UNC5D: variants seen among roughly 807,000 people sequenced by gnomAD.
The protein encoded by UNC5D is unc-5 netrin receptor D, also known as netrin receptor UNC5D.
Under a neutral mutation model 105.4 loss-of-function variants are expected in UNC5D, and 39 were observed. The observed-to-expected ratio is 0.37, with a 90% CI of 0.29 to 0.48. The LOEUF (loss-of-function observed/expected upper bound fraction) is 0.48. UNC5D is among the 20% of genes least tolerant of loss of function. The pLI, the probability that UNC5D is intolerant of heterozygous loss-of-function variation, is 0.98. For missense variants in UNC5D, 991 were observed against 1,202.4 expected (o/e 0.82, Z 2.60); for synonymous variants, 452 against 450.4 (o/e 1.00, Z -0.04).
intron 2 of UNC5D, among the ~76,000 whole-genome samples, chr8:35,559,350 G>C (rs1816792095): frequency 1.4e-4 from 22 of 152,266 alleles, no homozygotes; most frequent in Admixed American, 1.4e-3. Context: ...TGAATCTATT[G>C]GTTCCGGTTG....
intron 1 of UNC5D, among the ~76,000 whole-genome samples, chr8:35,397,430 C>G (rs1055713503): frequency 2.0e-4 from 31 of 152,300 alleles, no homozygotes; most frequent in Non-Finnish European, 8.8e-5. Flanking sequence ...GTCAACAGTC[C>G]TTTTAAGGAA....
intron 8 of UNC5D, 121 bp downstream of exon 8, chr8:35,706,082 TCTC>T (rs1056916726): frequency 3.4e-6 from 2 of 593,436 alleles, no homozygotes; most frequent in Non-Finnish European, 5.5e-6. Flanking sequence ...TTTCGAGGCC[TCTC>T]CTCATTGAGT....
chr8:35,472,061 A>T (rs113565439), intron 1 of UNC5D, among the ~76,000 whole-genome samples: 7 of 152,242 alleles, frequency 4.6e-5, no homozygotes, highest in Non-Finnish European at 8.8e-5. Flanking sequence ...GACACAGACT[A>T]CAAGTATATA....
chr8:35,681,417 C>T (rs1252309204), intron 4 of UNC5D, among the ~76,000 whole-genome samples: 1 of 152,190 alleles, frequency 6.6e-6, no homozygotes, highest in African/African-American at 2.4e-5. Flanking sequence ...TGGTTTTACC[C>T]AGCTCTCAGT....
chr8:35,310,349 G>A (rs1034678311), intron 1 of UNC5D, among the ~76,000 whole-genome samples: 4 of 152,098 alleles, frequency 2.6e-5, no homozygotes, highest in Non-Finnish European at 4.4e-5. Context: ...GGCTGGGAGC[G>A]GTGGCTCATG....
intron 1 of UNC5D, among the ~76,000 whole-genome samples, chr8:35,455,197 A>G (rs573005099): frequency 1.3e-5 from 2 of 152,130 alleles, no homozygotes; most frequent in East Asian, 3.9e-4. Flanking sequence ...AAGTGACCCA[A>G]TTTTATAAAG....
At chr8:35,686,459 C>G in intron 6 of UNC5D, 86 bp from the exon 7 acceptor site, 1 of 1,383,344 alleles carries the variant, frequency 7.2e-7, no homozygotes, top group African/African-American at 1.5e-5. Flanking sequence ...TAAAATCCAG[C>G]TCTAGAACAA....
intron 10 of UNC5D, among the ~76,000 whole-genome samples, chr8:35,729,825 G>T (rs1829091275): frequency 6.6e-6 from 1 of 152,206 alleles, no homozygotes; most frequent in South Asian, 2.1e-4. Context: ...CTGTAACCAA[G>T]ATTTAAACGT....
At chr8:35,731,394 G>T in intron 11 of UNC5D, among the ~76,000 whole-genome samples, 1 of 87,566 alleles carries the variant, frequency 1.1e-5, no homozygotes, top group South Asian at 4.3e-4. Context: ...GTGAGACTCT[G>T]TCTCCAAAAA....
chr8:35,361,808 C>G (rs571234815), intron 1 of UNC5D, among the ~76,000 whole-genome samples: 1 of 152,056 alleles, frequency 6.6e-6, no homozygotes, highest in Non-Finnish European at 1.5e-5. Flanking sequence ...AATTAGACCT[C>G]GAATATAATT....
At chr8:35,685,536 T>C (rs1825949839) in intron 6 of UNC5D, among the ~76,000 whole-genome samples, 1 of 152,146 alleles carries the variant, frequency 6.6e-6, no homozygotes, top group African/African-American at 2.4e-5. Context: ...TTAGTTGCAA[T>C]CGAAGTTAAG....
At chr8:35,535,650 A>G in intron 1 of UNC5D, among the ~76,000 whole-genome samples, 1 of 152,058 alleles carries the variant, frequency 6.6e-6, no homozygotes, top group East Asian at 1.9e-4. Flanking sequence ...AAAAATACGT[A>G]AAATATTCAG....
chr8:35,273,428 T>C (rs1805559724), intron 1 of UNC5D, among the ~76,000 whole-genome samples: 1 of 152,156 alleles, frequency 6.6e-6, no homozygotes, highest in South Asian at 2.1e-4. Context: ...TGCCCCAACT[T>C]TTCATTTTGA....
At chr8:35,406,965 T>C (rs1487579381) in intron 1 of UNC5D, among the ~76,000 whole-genome samples, 1 of 152,154 alleles carries the variant, frequency 6.6e-6, no homozygotes, top group Non-Finnish European at 1.5e-5. Flanking sequence ...TATACATATA[T>C]GAACTATCAT....
intron 16 of UNC5D, among the ~76,000 whole-genome samples, chr8:35,788,395 A>G (rs762180706): frequency 7.9e-5 from 12 of 152,146 alleles, no homozygotes; most frequent in South Asian, 6.2e-4. Flanking sequence ...TCAGAATTTT[A>G]CCAGAGATGA....
At chr8:35,238,323 C>T (rs1250618795) in intron 1 of UNC5D, among the ~76,000 whole-genome samples, 2 of 152,026 alleles carry the variant, frequency 1.3e-5, no homozygotes, top group East Asian at 1.9e-4. Flanking sequence ...TGAATATACT[C>T]TAGGAGGAAG....
intron 4 of UNC5D, among the ~76,000 whole-genome samples, chr8:35,600,967 A>G (rs934937097): frequency 2.0e-5 from 3 of 151,930 alleles, no homozygotes; most frequent in African/African-American, 4.8e-5. Context: ...ATCTTGAATT[A>G]ATTTTTGTAT....
chr8:35,575,905 C>T (rs961799211), intron 3 of UNC5D, among the ~76,000 whole-genome samples: 1 of 152,016 alleles, frequency 6.6e-6, no homozygotes, highest in Admixed American at 6.5e-5. Context: ...TGTTGAAATA[C>T]AGCTCCTCTC....
chr8:35,786,451 A>T (rs368850356), intron 16 of UNC5D, among the ~76,000 whole-genome samples: 10 of 152,126 alleles, frequency 6.6e-5, no homozygotes, highest in African/African-American at 2.2e-4. Flanking sequence ...TTTCAGAACC[A>T]TGTGACTGGC....
Sources: allele counts gnomAD v4.1 joint callset (sites outside exome capture counted in the v4.1 genomes callset), GRCh38; gene constraint gnomAD v4.1.1; transcripts MANE v1.5; gene names NCBI Gene and HGNC (gene_info 2026-07-23, HGNC 2026-07-21).